Variants in BCAS1 observed in about 807,000 individuals in gnomAD.
BCAS1 encodes the protein brain enriched myelin associated protein 1.
In BCAS1, 46 loss-of-function variants were observed where a neutral mutation model predicts 65.4. That is an observed-to-expected ratio of 0.70 (90% CI 0.55 to 0.90). BCAS1 has a LOEUF of 0.90. Ranked by LOEUF, BCAS1 falls within the 40% of genes least tolerant of loss-of-function variation. The pLI, the probability that BCAS1 is intolerant of heterozygous loss-of-function variation, is 0.00. For synonymous variants in BCAS1, 298 were observed against 293.5 expected (o/e 1.02, Z -0.16); for missense variants, 793 against 771.2 (o/e 1.03, Z -0.33).
chr20:54,051,126 T>C (rs930932934), intron 3 of BCAS1, among the ~76,000 whole-genome samples: 6 of 152,208 alleles, frequency 3.9e-5, no homozygotes, highest in Non-Finnish European at 8.8e-5. Flanking sequence ...TTGTGGCACC[T>C]CCGTGGTAAT....
chr20:53,975,383 AC>A lies in BCAS1; in HGVS notation c.1317+5del. ...GAATGATTCTGCCGTGGTGTGTGTA[AC>A]TTACATTCTCCTCCGCACCTGTGGG... On this transcript the variant is annotated splice_donor_5th_base_variant and intron_variant, in intron 9 of 12. Coordinates refer to ENST00000688948, the MANE Select transcript of BCAS1 (RefSeq NM_001366298.2). 6.2e-7 allele frequency: 1 copy of A among 1,611,012 alleles called. No homozygotes were observed. The highest frequency in any genetic ancestry group is 8.5e-7 in the Non-Finnish European group (1 of 1,177,554).
At chr20:54,051,035 C>A (rs546011260) in intron 3 of BCAS1, among the ~76,000 whole-genome samples, 43 of 152,270 alleles carry the variant, frequency 2.8e-4, no homozygotes, top group African/African-American at 1.0e-3. Context: ...CTCTTTTTAG[C>A]TTTTGAGTGA....
At chr20:54,025,810 G>C (rs916169882) in intron 4 of BCAS1, among the ~76,000 whole-genome samples, 1 of 152,052 alleles carries the variant, frequency 6.6e-6, no homozygotes, top group African/African-American at 2.4e-5. Flanking sequence ...TACTTTCTGA[G>C]GGTTGGATTG....
intron 3 of BCAS1, among the ~76,000 whole-genome samples, chr20:54,046,896 T>C (rs1011220885): frequency 7.9e-5 from 12 of 151,990 alleles, no homozygotes; most frequent in African/African-American, 2.7e-4. Context: ...AGCTTATTTC[T>C]GCTCTATGAT....
intron 8 of BCAS1, among the ~76,000 whole-genome samples, 181 bp from the exon 9 acceptor site, chr20:53,975,611 A>G (rs1304927174): frequency 6.6e-6 from 1 of 151,472 alleles, no homozygotes; most frequent in Admixed American, 6.6e-5. Context: ...GTATATATAT[A>G]TATATATAGT....
chr20:54,068,846 G>A (rs2092477890), intron 1 of BCAS1, among the ~76,000 whole-genome samples: 1 of 152,094 alleles, frequency 6.6e-6, no homozygotes, highest in South Asian at 2.1e-4. Context: ...CAGCAGGACA[G>A]ATGAGCCTGC....
intron 4 of BCAS1, among the ~76,000 whole-genome samples, chr20:54,024,472 G>C (rs2091627978): frequency 6.6e-6 from 1 of 152,210 alleles, no homozygotes; most frequent in South Asian, 2.1e-4. Context: ...AAGTAGACAT[G>C]TGGAAGAGGA....
intron 1 of BCAS1, among the ~76,000 whole-genome samples, chr20:54,065,252 G>C (rs2092425388): frequency 6.7e-6 from 1 of 150,302 alleles, no homozygotes; most frequent in African/African-American, 2.4e-5. Flanking sequence ...CAATTTTCCA[G>C]GACTATATAT....
At chr20:54,002,210 A>T (rs1041580433) in intron 4 of BCAS1, among the ~76,000 whole-genome samples, 5 of 152,116 alleles carry the variant, frequency 3.3e-5, no homozygotes, top group African/African-American at 1.2e-4. Context: ...CCTTGGGCTC[A>T]GGGAGCCTGC....
intron 9 of BCAS1, among the ~76,000 whole-genome samples, chr20:53,968,253 CT>C (rs2090089609): frequency 1.3e-5 from 2 of 152,346 alleles, no homozygotes; most frequent in Middle Eastern, 3.4e-3. Context: ...GAAATATTTA[CT>C]ATCTGGCCCT....
Position 53,999,931 on chromosome 20 carries a change from T to C in BCAS1, c.724-3881A>G, listed in dbSNP as rs148322758. On this transcript the variant is annotated intron_variant, in intron 4 of 12. Transcript: ENST00000688948. ...TTTCAGTAGAGATGGGGTTTCACCG[T>C]GTTGGCCAGGCTGGTCTTGAACTCC... Among the ~76,000 whole-genome samples the C allele has an allele frequency of 7.0e-3, 1,066 of 152,260 alleles. 9 individuals carry two copies. Among genetic ancestry groups the C allele is most frequent in the African/African-American group, 0.025 (1,022 of 41,534 alleles).
chr20:53,994,844 C>T (rs987314418), intron 6 of BCAS1, among the ~76,000 whole-genome samples, 168 bp downstream of exon 6: 1 of 151,642 alleles, frequency 6.6e-6, no homozygotes, highest in Non-Finnish European at 1.5e-5. Flanking sequence ...ATTTTAATGA[C>T]AACCTAACAG....
intron 9 of BCAS1, among the ~76,000 whole-genome samples, chr20:53,971,001 AT>A (rs2090165119): frequency 6.6e-6 from 1 of 151,968 alleles, no homozygotes; most frequent in Admixed American, 6.6e-5. Context: ...AATCTTTCCC[AT>A]CTTCAAGACT....
intron 9 of BCAS1, among the ~76,000 whole-genome samples, chr20:53,974,311 C>T (rs1002460119): frequency 6.6e-6 from 1 of 152,192 alleles, no homozygotes; most frequent in African/African-American, 2.4e-5. Context: ...CTCTTTGGGT[C>T]TGTGCCACCT....
intron 12 of BCAS1, among the ~76,000 whole-genome samples, chr20:53,947,916 G>A (rs190190141): frequency 1.2e-4 from 18 of 152,188 alleles, no homozygotes; most frequent in African/African-American, 3.1e-4. Context: ...TTGCTCTAAG[G>A]GCATTGTACA....
In BCAS1 at chr20:54,058,737, A is replaced by G. The variant is rs1160611527; in HGVS notation, c.-5-14T>C. The G allele has an allele frequency of 1.9e-6, 3 of 1,608,070 alleles. No homozygotes were observed. The highest frequency in any genetic ancestry group is 2.7e-5 in the African/African-American group (2 of 74,476). ...TACCCATTGCTCCTATAATGGAGAG[A>G]AAGAGAGGAAGAGAGAAAGAAATCA... On this transcript the variant is annotated splice_polypyrimidine_tract_variant and intron_variant, in intron 1 of 12. Coordinates refer to ENST00000688948, the MANE Select transcript of BCAS1 (RefSeq NM_001366298.2).
chr20:54,043,774 C>T (rs374752834), intron 3 of BCAS1, among the ~76,000 whole-genome samples: 14 of 152,278 alleles, frequency 9.2e-5, no homozygotes, highest in South Asian at 8.3e-4. Context: ...CACATCTAAC[C>T]GGTACCCAGG....
chr20:54,042,945 G>A (rs766913150), intron 3 of BCAS1, among the ~76,000 whole-genome samples: 11 of 152,218 alleles, frequency 7.2e-5, no homozygotes, highest in Non-Finnish European at 1.5e-4. Context: ...TGCTGAGAGT[G>A]TCATGGCCTT....
At chr20:53,984,079 T>A (rs976196685) in intron 8 of BCAS1, among the ~76,000 whole-genome samples, 24 of 152,206 alleles carry the variant, frequency 1.6e-4, no homozygotes, top group Admixed American at 5.2e-4. Context: ...GAGCAAAACA[T>A]ACGTTAATCT....
Sources: gnomAD v4.1 joint callset for allele counts (sites outside exome capture counted in the v4.1 genomes callset) on GRCh38, gnomAD v4.1.1 for gene constraint, MANE v1.5 for transcripts, NCBI Gene and HGNC (gene_info 2026-07-23, HGNC 2026-07-21) for gene names.